PLEKHG4B: variants seen among roughly 807,000 people sequenced by gnomAD.
PLEKHG4B encodes the protein pleckstrin homology and RhoGEF domain containing G4B, also known as pleckstrin homology domain-containing family G member 4B.
A neutral mutation model predicts 121.3 loss-of-function variants in PLEKHG4B; 111 were observed. The ratio of observed to expected loss-of-function variants is 0.92; its 90% confidence interval spans 0.78 to 1.07. The LOEUF (loss-of-function observed/expected upper bound fraction) is 1.07, where lower values mean the gene tolerates loss of function less well. Among genes scored for constraint, PLEKHG4B ranks in the 50% least tolerant of loss-of-function variants. PLEKHG4B has a pLI of 0.00. For missense variants in PLEKHG4B, 1,831 were observed against 1,757.8 expected (o/e 1.04, Z -0.74); for synonymous variants, 738 against 725.0 (o/e 1.02, Z -0.29).
At chr5:122,997 A>G (rs1734513782) in intron 2 of PLEKHG4B, among the ~76,000 whole-genome samples, 1 of 152,204 alleles carries the variant, frequency 6.6e-6, no homozygotes, top group Non-Finnish European at 1.5e-5. Flanking sequence ...TCATAGAACA[A>G]TTGGAAAAAA....
At chr5:92,478 G>A in intron 1 of PLEKHG4B, among the ~76,000 whole-genome samples, 1 of 131,380 alleles carries the variant, frequency 7.6e-6, no homozygotes, top group African/African-American at 2.9e-5. Context: ...GGGGCGGGTG[G>A]GGGCGCGGGG....
In PLEKHG4B at chr5:169,528, TC is replaced by T; in HGVS notation, c.3667del (p.Leu1223SerfsTer19). ...CTCCACGACTTCCACCAGCAGCACT[TC>T]CTCCGGGAGCTGGAGCGCTGCCAGC... The part of the protein sequence containing the change: ...EKLHDFHQQH[F>X]LRELERCQHC... On this transcript the variant is annotated frameshift_variant, in exon 14 of 20. Coordinates refer to ENST00000637938, the MANE Select transcript of PLEKHG4B (RefSeq NM_052909.5). LOFTEE classifies it high-confidence loss of function. The T allele has an allele frequency of 6.2e-7, 1 of 1,614,056 alleles. No individual in the cohort carries two copies. The highest frequency in any genetic ancestry group is 8.5e-7 in the Non-Finnish European group (1 of 1,180,042).
In PLEKHG4B at chr5:126,125, TG is replaced by T. The variant is rs200776826; in HGVS notation, c.243+12678del. On this transcript the variant is annotated intron_variant, in intron 2 of 19. Coordinates refer to ENST00000637938, the MANE Select transcript of PLEKHG4B (RefSeq NM_052909.5). The stretch of plus-strand genomic sequence containing the variant: ...GAGCTTATCAGGCTTCTTGGATGTT[TG>T]TATTCATGTCTTTCCTCAAATTTGG... Among the ~76,000 whole-genome samples the T allele has an allele frequency of 5.0e-3, 761 of 152,362 alleles. 5 individuals carry two copies. Among genetic ancestry groups the T allele is most frequent in the Non-Finnish European group, 8.2e-3 (556 of 68,028 alleles).
intron 1 of PLEKHG4B, among the ~76,000 whole-genome samples, chr5:93,486 C>A (rs1359231156): frequency 6.6e-6 from 1 of 151,914 alleles, no homozygotes; most frequent in Non-Finnish European, 1.5e-5. Flanking sequence ...GACCCCCCCA[C>A]CGAGAAGTGG....
chr5:169,682 C>T (rs1478987738), intron 14 of PLEKHG4B, 90 bp downstream of exon 14: 8 of 1,545,682 alleles, frequency 5.2e-6, no homozygotes, highest in African/African-American at 4.1e-5. Flanking sequence ...ACGTGTCAGG[C>T]GGTTGGAATA....
In PLEKHG4B at chr5:186,391, C is replaced by G. The variant is rs891674907; in HGVS notation, c.*4068C>G. 6.6e-6 allele frequency: 1 copy of G among 152,268 alleles called. No homozygotes were observed. Among genetic ancestry groups the G allele is most frequent in the African/African-American group, 2.4e-5 (1 of 41,458 alleles). 9.4% of individuals were successfully genotyped at this position (152,268 alleles called of 1,614,324 possible). On this transcript the variant is annotated 3_prime_UTR_variant, in exon 20 of 20. Coordinates refer to ENST00000637938, the MANE Select transcript of PLEKHG4B (RefSeq NM_052909.5). Reference sequence around the variant, plus strand: ...GAAGGTTTCATTTAGATGGCGAACACGTGTTCTCATTTCTCCAGGGTTCTG... The same window carrying G: ...GAAGGTTTCATTTAGATGGCGAACAGGTGTTCTCATTTCTCCAGGGTTCTG...
At position 186,028 on chromosome 5, in the gene PLEKHG4B, C is replaced by G. The variant is rs1380405565; in HGVS notation, c.*3705C>G. 1 of 152,194 alleles carries G rather than the reference C, an allele frequency of 6.6e-6. No individual in the cohort carries two copies. Among genetic ancestry groups the G allele is most frequent in the Non-Finnish European group, 1.5e-5 (1 of 68,038 alleles). 9.4% of individuals were successfully genotyped at this position (152,194 alleles called of 1,614,324 possible). A position where few individuals can be genotyped will look rare whatever the true frequency, so the allele number is the denominator to read the frequency against. On this transcript the variant is annotated 3_prime_UTR_variant, in exon 20 of 20. Transcript: ENST00000637938. ...AGGCCACCCTGCAGGGCTGAGGTGT[C>G]TGTGGGGAAGGAGGTGCCCAGCCCT...
intron 6 of PLEKHG4B, among the ~76,000 whole-genome samples, chr5:149,650 A>G (rs1560930487): frequency 6.6e-6 from 1 of 152,244 alleles, no homozygotes; most frequent in Non-Finnish European, 1.5e-5. Context: ...TCCAGAATAT[A>G]TAGAGAACTC....
At chr5:115,344 T>C (rs1252303581) in intron 2 of PLEKHG4B, among the ~76,000 whole-genome samples, 2 of 152,174 alleles carry the variant, frequency 1.3e-5, no homozygotes, top group East Asian at 3.9e-4. Context: ...TCATCCAGGC[T>C]TTGTTGTTCT....
Position 171,138 on chromosome 5 carries a change from C to T in PLEKHG4B, c.3819+6C>T, listed in dbSNP as rs752581240. 4 of 1,611,526 alleles carry T rather than the reference C, an allele frequency of 2.5e-6. No homozygotes were observed. In the Admixed American group the frequency reaches 5.0e-5, roughly 20 times the overall value. ...ATGGCAACGCCTTCTTCAAGGTCATCCCCCTCGGCCCGCCCCCCACAGCCT... is the reference window on the plus strand; with the variant it reads ...ATGGCAACGCCTTCTTCAAGGTCATTCCCCTCGGCCCGCCCCCCACAGCCT... On this transcript the variant is annotated splice_donor_region_variant and intron_variant, in intron 15 of 19. Coordinates refer to ENST00000637938, the MANE Select transcript of PLEKHG4B (RefSeq NM_052909.5).
chr5:133,071 C>T (rs898186763), intron 2 of PLEKHG4B, among the ~76,000 whole-genome samples: 15 of 152,106 alleles, frequency 9.9e-5, no homozygotes, highest in African/African-American at 1.9e-4. Context: ...TTTCTTTCAG[C>T]GGTGTTTTCT....
At chr5:148,975 A>T (rs1392117239) in intron 6 of PLEKHG4B, among the ~76,000 whole-genome samples, 1 of 152,252 alleles carries the variant, frequency 6.6e-6, no homozygotes, top group African/African-American at 2.4e-5. Flanking sequence ...GAGAAAGGAC[A>T]GTCTTTTTTA....
At position 156,115 on chromosome 5, in the gene PLEKHG4B, T is replaced by C. The variant is rs368054470; in HGVS notation, c.2253T>C (p.Leu751=). The C allele has an allele frequency of 2.3e-5, 36 of 1,599,254 alleles. No individual in the cohort carries two copies. In the African/African-American group the frequency reaches 4.8e-4, roughly 21 times the overall value. The change falls in exon 10 of 20, where the codon CTT becomes CTC. Residue 751 remains leucine (L), a synonymous_variant. Coordinates refer to ENST00000637938, the MANE Select transcript of PLEKHG4B (RefSeq NM_052909.5). The surrounding 1 kb of genome is among the most constrained non-coding windows in gnomAD (Gnocchi z 4.4). ...ACCAGCATGAGACGATGATGAAGCT[T>C]GTCCTGGAAGACCCACTGCTTGTGT... The part of the protein sequence containing the change: ...LIDQHETMMK[L]VLEDPLLVSL...
In PLEKHG4B at chr5:189,403, TGGGCTG is replaced by T. The variant is rs1315301950; in HGVS notation, c.*7083_*7088del. 6.6e-6 allele frequency: 1 copy of T among 152,306 alleles called. No individual in the cohort carries two copies. Among genetic ancestry groups the T allele is most frequent in the Non-Finnish European group, 1.5e-5 (1 of 68,126 alleles). The allele number at this position is 152,306 out of a possible 1,614,324, so 9.4% of individuals were successfully genotyped here. On this transcript the variant is annotated 3_prime_UTR_variant, in exon 20 of 20. Transcript: ENST00000637938. ...AACCTTTCAGACCAGTGAAGGCCAG[TGGGCTG>T]GGTGGTCCAGGCATGTCCCCAACGC...
chr5:141,328 C>T (rs1430790639), intron 3 of PLEKHG4B, among the ~76,000 whole-genome samples: 3 of 139,864 alleles, frequency 2.1e-5, no homozygotes, highest in African/African-American at 8.2e-5. Context: ...CGCTCACGTT[C>T]TGGAGACCAC....
intron 2 of PLEKHG4B, among the ~76,000 whole-genome samples, chr5:136,780 G>A (rs1734996836): frequency 1.3e-5 from 2 of 152,188 alleles, no homozygotes; most frequent in South Asian, 4.1e-4. Flanking sequence ...ACGTAAAATG[G>A]TGCAGCTGCT....
chr5:143,289 C>A lies in PLEKHG4B; in HGVS notation c.1687+33C>A, dbSNP rs754150858. The A allele has an allele frequency of 1.9e-6, 3 of 1,608,344 alleles. No homozygotes were observed. The African/African-American group carries it at 4.0e-5, about 21-fold the overall frequency. Reference sequence around the variant, plus strand: ...CACATGCCAGGCTCTCCTGTCAGGGCGGATCTGACATCTAAGCCGACAGCA... The same window carrying A: ...CACATGCCAGGCTCTCCTGTCAGGGAGGATCTGACATCTAAGCCGACAGCA... On this transcript the variant is annotated intron_variant, in intron 4 of 19. Transcript: ENST00000637938.
chr5:161,067 C>T (rs753996578), intron 11 of PLEKHG4B, among the ~76,000 whole-genome samples: 1 of 152,228 alleles, frequency 6.6e-6, no homozygotes, highest in Admixed American at 6.5e-5. Context: ...GGGCATCTGA[C>T]CCCTAGTCGC....
At chr5:112,090 G>C (rs1734175678) in intron 1 of PLEKHG4B, among the ~76,000 whole-genome samples, 1 of 152,234 alleles carries the variant, frequency 6.6e-6, no homozygotes, top group Non-Finnish European at 1.5e-5. Context: ...GATCATTCCT[G>C]TCAACAAGTG....
Sources: allele counts gnomAD v4.1 joint callset (sites outside exome capture counted in the v4.1 genomes callset), GRCh38; gene constraint gnomAD v4.1.1; non-coding constraint Gnocchi (gnomAD v3.1); transcripts MANE v1.5; gene names NCBI Gene and HGNC (gene_info 2026-07-23, HGNC 2026-07-21).